Variants in KCNH8 observed in about 807,000 individuals in gnomAD.
KCNH8 encodes the protein potassium voltage-gated channel subfamily H member 8, also known as voltage-gated delayed rectifier potassium channel KCNH8.
KCNH8 carries 70 observed loss-of-function variants against 103.6 expected under a neutral mutation model. The ratio of observed to expected loss-of-function variants is 0.68; its 90% confidence interval spans 0.56 to 0.82. KCNH8 has a LOEUF of 0.82. Ranked by LOEUF, KCNH8 falls within the 40% of genes least tolerant of loss-of-function variation. The pLI is 0.00. For synonymous variants in KCNH8, 498 were observed against 489.4 expected (o/e 1.02, Z -0.23); for missense variants, 1,217 against 1,329.9 (o/e 0.92, Z 1.32).
intron 1 of KCNH8, among the ~76,000 whole-genome samples, chr3:19,193,744 G>A (rs2063574749): frequency 6.6e-6 from 1 of 151,710 alleles, no homozygotes; most frequent in Admixed American, 6.6e-5. Context: ...ATTGCAGAAG[G>A]AGACTCCTCA....
intron 11 of KCNH8, among the ~76,000 whole-genome samples, chr3:19,464,002 A>C (rs1440838552): frequency 1.3e-5 from 2 of 152,154 alleles, no homozygotes; most frequent in Non-Finnish European, 2.9e-5. Flanking sequence ...AATGTACTCA[A>C]ATCAGTGTAC....
At chr3:19,308,690 CTCTCTCTCTCTCTCTCTCTCTCTCTCT>C (rs1559470013) in intron 3 of KCNH8, among the ~76,000 whole-genome samples, 17 of 70,336 alleles carry the variant, frequency 2.4e-4, no homozygotes, top group African/African-American at 1.1e-3. Flanking sequence ...CTCTCTCTCT[CTCTCTCTCTCTCTCTCTCTCTCTCTCT>C]CCCCCTCTCT....
At chr3:19,318,777 A>G (rs1179050732) in intron 3 of KCNH8, among the ~76,000 whole-genome samples, 1 of 151,666 alleles carries the variant, frequency 6.6e-6, no homozygotes, top group Non-Finnish European at 1.5e-5. Context: ...CCAACAGTGT[A>G]AAGGTGTTCC....
intron 10 of KCNH8, among the ~76,000 whole-genome samples, chr3:19,454,144 C>CTG (rs372400109): frequency 0.024 from 3,193 of 131,506 alleles, 44 homozygotes; most frequent in East Asian, 0.052. Flanking sequence ...AGTAAGGCTT[C>CTG]TGTGTGTGTG....
At chr3:19,385,232 AATG>A in intron 5 of KCNH8, among the ~76,000 whole-genome samples, 1 of 152,244 alleles carries the variant, frequency 6.6e-6, no homozygotes, top group South Asian at 2.1e-4. Context: ...AAAGTAAGAA[AATG>A]ATGAACACTC....
At chr3:19,497,948 T>C (rs1292684783) in intron 11 of KCNH8, among the ~76,000 whole-genome samples, 2 of 152,206 alleles carry the variant, frequency 1.3e-5, no homozygotes, top group Non-Finnish European at 2.9e-5. Context: ...ATATTTAGGA[T>C]AGTTAGGTCT....
chr3:19,459,401 G>C (rs2067585531), intron 11 of KCNH8, among the ~76,000 whole-genome samples: 1 of 151,606 alleles, frequency 6.6e-6, no homozygotes, highest in South Asian at 2.1e-4. Flanking sequence ...AGTTCATTCT[G>C]GTCATCTGTT....
At chr3:19,320,409 G>A (rs575157722) in intron 3 of KCNH8, among the ~76,000 whole-genome samples, 1 of 152,068 alleles carries the variant, frequency 6.6e-6, no homozygotes, top group Non-Finnish European at 1.5e-5. Context: ...TGCATCTACT[G>A]AGATGATCAT....
chr3:19,519,235 G>C (rs1461084220), intron 15 of KCNH8, among the ~76,000 whole-genome samples: 4 of 151,966 alleles, frequency 2.6e-5, no homozygotes. Flanking sequence ...CATGTGGGCA[G>C]GGACAGACAG....
At chr3:19,461,617 A>G (rs1303074925) in intron 11 of KCNH8, among the ~76,000 whole-genome samples, 17 of 152,172 alleles carry the variant, frequency 1.1e-4, no homozygotes. Flanking sequence ...AATGTAACTT[A>G]TCTATACATC....
At chr3:19,321,176 T>G (rs900498093) in intron 3 of KCNH8, among the ~76,000 whole-genome samples, 1 of 152,070 alleles carries the variant, frequency 6.6e-6, no homozygotes, top group Non-Finnish European at 1.5e-5. Context: ...TTTGTTTTAA[T>G]TTTATTTAGT....
At chr3:19,494,344 C>T (rs1024918593) in intron 11 of KCNH8, among the ~76,000 whole-genome samples, 6 of 152,132 alleles carry the variant, frequency 3.9e-5, no homozygotes, top group Non-Finnish European at 5.9e-5. Context: ...CTTTCCCTTG[C>T]TGTTCTCATG....
intron 1 of KCNH8, among the ~76,000 whole-genome samples, chr3:19,213,642 A>G (rs1325419479): frequency 6.6e-6 from 1 of 152,086 alleles, no homozygotes; most frequent in Non-Finnish European, 1.5e-5. Context: ...CTGGGGTACT[A>G]TTTCAGTCAT....
intron 11 of KCNH8, among the ~76,000 whole-genome samples, chr3:19,463,563 G>A (rs889034573): frequency 6.6e-6 from 1 of 151,876 alleles, no homozygotes; most frequent in Non-Finnish European, 1.5e-5. Context: ...AAAAACAAAG[G>A]CGTAAACTTT....
chr3:19,520,242 G>A (rs2068948853), intron 15 of KCNH8, among the ~76,000 whole-genome samples: 2 of 151,440 alleles, frequency 1.3e-5, no homozygotes, highest in South Asian at 4.2e-4. Flanking sequence ...CCCCCGAGAT[G>A]ACACACATCT....
chr3:19,500,292 C>G (rs1559359390), intron 11 of KCNH8, among the ~76,000 whole-genome samples: 3 of 152,092 alleles, frequency 2.0e-5, no homozygotes, highest in Admixed American at 1.3e-4. Flanking sequence ...AAAGCAAGTC[C>G]TGAGTGACCT....
intron 1 of KCNH8, among the ~76,000 whole-genome samples, chr3:19,238,079 G>A (rs895318737): frequency 2.6e-5 from 4 of 152,152 alleles, no homozygotes; most frequent in African/African-American, 7.2e-5. Flanking sequence ...TTCAAATGGC[G>A]TCAGAAGTCA....
At chr3:19,450,998 ATC>A in intron 9 of KCNH8, 155 bp from the exon 10 acceptor site, 1 of 692,274 alleles carries the variant, frequency 1.4e-6, no homozygotes, top group South Asian at 1.8e-5. Flanking sequence ...TCACTGAAAA[ATC>A]TCTCCAGGAT....
At chr3:19,505,457 GT>G (rs1458306510) in intron 11 of KCNH8, among the ~76,000 whole-genome samples, 1 of 151,796 alleles carries the variant, frequency 6.6e-6, no homozygotes, top group Non-Finnish European at 1.5e-5. Flanking sequence ...TTAAGATAAA[GT>G]TTTTTTTAAA....
Sources: allele counts gnomAD v4.1 joint callset (sites outside exome capture counted in the v4.1 genomes callset), GRCh38; gene constraint gnomAD v4.1.1; transcripts MANE v1.5; gene names NCBI Gene and HGNC (gene_info 2026-07-23, HGNC 2026-07-21).